THSD4: variants seen among roughly 807,000 people sequenced by gnomAD.
The protein encoded by THSD4 is thrombospondin type-1 domain-containing protein 4.
A neutral mutation model predicts 119.0 loss-of-function variants in THSD4; 69 were observed. That is an observed-to-expected ratio of 0.58 (90% CI 0.48 to 0.71). THSD4 has a LOEUF of 0.71. THSD4 is among the 30% of genes least tolerant of loss of function. THSD4 has a pLI of 0.00. For synonymous variants in THSD4, 524 were observed against 540.4 expected (o/e 0.97, Z 0.42); for missense variants, 1,393 against 1,391.1 (o/e 1.00, Z -0.02).
intron 3 of THSD4, chr15:71,187,349 TC>T (rs2043618591): frequency 6.5e-6 from 1 of 152,704 alleles, no homozygotes; most frequent in South Asian, 2.1e-4. Context: ...TGTGCCTTTG[TC>T]CCCGTGGACT....
At chr15:71,547,207 A>G (rs1350921115) in intron 7 of THSD4, 3 of 1,353,690 alleles carry the variant, frequency 2.2e-6, no homozygotes, top group Non-Finnish European at 2.8e-6. Context: ...AAGTTATTAC[A>G]TGAAGAGATC....
intron 8 of THSD4, among the ~76,000 whole-genome samples, chr15:71,670,906 T>A (rs1227932465): frequency 6.6e-6 from 1 of 152,204 alleles, no homozygotes; most frequent in Non-Finnish European, 1.5e-5. Context: ...GTGATGGACA[T>A]TTGGGTTGGT....
chr15:71,112,598 A>C (rs1331302924), upstream of THSD4, among the ~76,000 whole-genome samples: 2 of 152,240 alleles, frequency 1.3e-5, no homozygotes, highest in Admixed American at 6.5e-5. Flanking sequence ...CCACCCTCCA[A>C]GATGCTGTGT....
intron 6 of THSD4, among the ~76,000 whole-genome samples, chr15:71,284,999 C>T (rs968246482): frequency 8.5e-5 from 13 of 152,062 alleles, no homozygotes; most frequent in Non-Finnish European, 1.3e-4. Context: ...TGCATTGACT[C>T]GTTTCTTTTT....
intron 3 of THSD4, among the ~76,000 whole-genome samples, chr15:71,169,842 C>T (rs1021489585): frequency 6.6e-6 from 1 of 152,128 alleles, no homozygotes; most frequent in Non-Finnish European, 1.5e-5. Context: ...CTAGGCAGAA[C>T]CTGTTAGACA....
At position 71,184,887 on chromosome 15, in the gene THSD4, TGTCACTGAGACCCACCCGCTCCC is replaced by T. The variant is rs1251585187; in HGVS notation, c.99+29956_99+29978del. Among the ~76,000 whole-genome samples the T allele has an allele frequency of 2.1e-4, 32 of 151,952 alleles. 1 individual carries two copies. The East Asian group carries it at 6.2e-3, about 29-fold the overall frequency. Reference sequence around the variant, plus strand: ...TTTTGTTTTGTTTTCATGTTAATAATGTCACTGAGACCCACCCGCTCCCCAAACCCTTTGGTTTTTTTTGGCTC... The same window carrying T: ...TTTTGTTTTGTTTTCATGTTAATAATCAAACCCTTTGGTTTTTTTTGGCTC... On this transcript the variant is annotated intron_variant, in intron 3 of 17. Coordinates refer to ENST00000261862, the MANE Select transcript of THSD4 (RefSeq NM_024817.3).
At chr15:71,131,368 G>A (rs2040502435) in intron 1 of THSD4, among the ~76,000 whole-genome samples, 1 of 151,600 alleles carries the variant, frequency 6.6e-6, no homozygotes, top group South Asian at 2.1e-4. Flanking sequence ...CAAAATAAGG[G>A]CTAACAATGT....
intron 7 of THSD4, among the ~76,000 whole-genome samples, chr15:71,601,391 G>A (rs761282126): frequency 6.6e-6 from 1 of 152,152 alleles, no homozygotes; most frequent in Non-Finnish European, 1.5e-5. Flanking sequence ...ACCACTCCAG[G>A]GGTTGCTCCC....
chr15:71,230,389 C>T (rs917762617), intron 4 of THSD4, among the ~76,000 whole-genome samples: 1 of 152,252 alleles, frequency 6.6e-6, no homozygotes, highest in South Asian at 2.1e-4. Flanking sequence ...GGCTACCTGC[C>T]TCTGCAACAG....
At chr15:71,375,163 C>A (rs550419303) in intron 6 of THSD4, among the ~76,000 whole-genome samples, 2 of 152,166 alleles carry the variant, frequency 1.3e-5, no homozygotes, top group South Asian at 4.1e-4. Context: ...CCGAGCACCA[C>A]GAGGATTGTG....
At chr15:71,111,043 G>C (rs758694204), upstream of THSD4, 2 of 1,282,444 alleles carry the variant, frequency 1.6e-6, no homozygotes, top group African/African-American at 3.0e-5. Flanking sequence ...TCGGATCCGG[G>C]TGATGCCTCT....
intron 7 of THSD4, among the ~76,000 whole-genome samples, chr15:71,430,588 C>T (rs529235464): frequency 5.3e-5 from 8 of 151,722 alleles, no homozygotes; most frequent in African/African-American, 1.9e-4. Flanking sequence ...GAAATGGTGT[C>T]TCTACTAAAA....
At chr15:71,617,796 CTATT>C (rs2050345548) in intron 7 of THSD4, among the ~76,000 whole-genome samples, 1 of 152,190 alleles carries the variant, frequency 6.6e-6, no homozygotes, top group Non-Finnish European at 1.5e-5. Flanking sequence ...CATTTAGTGA[CTATT>C]TAATAACACT....
At chr15:71,672,204 C>G (rs1222383358) in intron 8 of THSD4, among the ~76,000 whole-genome samples, 1 of 152,138 alleles carries the variant, frequency 6.6e-6, no homozygotes, top group Non-Finnish European at 1.5e-5. Flanking sequence ...TCCTTCACAT[C>G]CCTTGTAAGT....
chr15:71,528,103 C>T (rs115897084), intron 7 of THSD4, among the ~76,000 whole-genome samples: 1,548 of 152,272 alleles, frequency 0.01, 33 homozygotes, highest in African/African-American at 0.036. Flanking sequence ...GCCTTGGACT[C>T]TCTTGCTCTC....
At chr15:71,137,982 C>T (rs1017794049) in intron 1 of THSD4, among the ~76,000 whole-genome samples, 18 of 152,184 alleles carry the variant, frequency 1.2e-4, no homozygotes, top group African/African-American at 4.1e-4. Context: ...TCTGTTCAGG[C>T]AGTCTCCTCA....
chr15:71,312,328 G>A (rs531974495), intron 6 of THSD4, among the ~76,000 whole-genome samples: 2 of 151,928 alleles, frequency 1.3e-5, no homozygotes, highest in Non-Finnish European at 1.5e-5. Flanking sequence ...ACTCTGTCTC[G>A]AGGCAGGGGG....
Position 71,381,757 on chromosome 15 carries a change from C to T in THSD4, c.1016-29930C>T, listed in dbSNP as rs76055172. Reference sequence around the variant, plus strand: ...ACATAACTGAAATTATGACTGCTGCCGTATTAGATTTTTAGTAATCCCACA... The same window carrying T: ...ACATAACTGAAATTATGACTGCTGCTGTATTAGATTTTTAGTAATCCCACA... On this transcript the variant is annotated intron_variant, in intron 6 of 17. Coordinates refer to ENST00000261862, the MANE Select transcript of THSD4 (RefSeq NM_024817.3). Among the ~76,000 whole-genome samples the T allele has an allele frequency of 2.9e-3, 446 of 152,168 alleles. 2 individuals are homozygous for T. The highest frequency in any genetic ancestry group is 0.01 in the African/African-American group (429 of 41,524).
At chr15:71,276,445 G>A (rs112930418) in intron 6 of THSD4, among the ~76,000 whole-genome samples, 148 of 152,264 alleles carry the variant, frequency 9.7e-4, no homozygotes, top group African/African-American at 3.1e-3. Flanking sequence ...GTCATAACGC[G>A]CAGGTCTCCT....
Sources: allele counts gnomAD v4.1 joint callset (sites outside exome capture counted in the v4.1 genomes callset), GRCh38; gene constraint gnomAD v4.1.1; transcripts MANE v1.5; gene names NCBI Gene and HGNC (gene_info 2026-07-23, HGNC 2026-07-21).